PLD1: variants seen among roughly 807,000 people sequenced by gnomAD.
The protein encoded by PLD1 is phospholipase D1, also known as choline phosphatase 1.
A neutral mutation model predicts 137.1 loss-of-function variants in PLD1; 112 were observed. The ratio of observed to expected loss-of-function variants is 0.82; its 90% CI spans 0.70 to 0.96. The LOEUF (loss-of-function observed/expected upper bound fraction) is 0.96. PLD1 is among the 40% of genes least tolerant of loss of function. The pLI, the probability that PLD1 is intolerant of heterozygous loss-of-function variation, is 0.00. For missense variants in PLD1, 1,321 were observed against 1,342.0 expected, an observed-to-expected ratio of 0.98 and a Z score of 0.24; for synonymous variants, 431 against 454.7, an observed-to-expected ratio of 0.95 and a Z score of 0.66.
chr3:171,779,057 C>T (rs1450044739), intron 1 of PLD1, among the ~76,000 whole-genome samples: 2 of 152,060 alleles, frequency 1.3e-5, no homozygotes, highest in South Asian at 2.1e-4. Flanking sequence ...GGTATGGTGG[C>T]GGGCGCCTGT....
chr3:171,805,627 G>A (rs547943283), intron 1 of PLD1, among the ~76,000 whole-genome samples: 7 of 151,972 alleles, frequency 4.6e-5, no homozygotes, highest in Non-Finnish European at 7.4e-5. Flanking sequence ...CCTTAATTTC[G>A]TTTTCCGAAA....
At chr3:171,658,328 T>C (rs1013928198) in intron 21 of PLD1, among the ~76,000 whole-genome samples, 1 of 152,160 alleles carries the variant, frequency 6.6e-6, no homozygotes, top group Admixed American at 6.5e-5. Flanking sequence ...AATGAAAATA[T>C]ATATCTGCAC....
chr3:171,674,979 C>CAAAAAA (rs376402019), intron 18 of PLD1, among the ~76,000 whole-genome samples: 109 of 72,900 alleles, frequency 1.5e-3, no homozygotes, highest in East Asian at 2.9e-3. Context: ...ATCTCCATCT[C>CAAAAAA]AAAAAAAAAA....
chr3:171,808,067 C>A (rs1723927411), intron 1 of PLD1, among the ~76,000 whole-genome samples: 1 of 152,142 alleles, frequency 6.6e-6, no homozygotes, highest in Non-Finnish European at 1.5e-5. Flanking sequence ...ACACTGGGAA[C>A]TACTAGACGT....
At chr3:171,669,149 T>G (rs1712470242) in intron 19 of PLD1, among the ~76,000 whole-genome samples, 1 of 152,092 alleles carries the variant, frequency 6.6e-6, no homozygotes, top group African/African-American at 2.4e-5. Flanking sequence ...CTGCCGTAGC[T>G]CCCCTCTCCC....
At chr3:171,740,760 A>G (rs1448401588) in intron 1 of PLD1, among the ~76,000 whole-genome samples, 2 of 152,234 alleles carry the variant, frequency 1.3e-5, no homozygotes, top group African/African-American at 4.8e-5. Context: ...AAAACATCTT[A>G]TCATTTATCA....
chr3:171,638,169 A>G (rs1300222123), intron 23 of PLD1, among the ~76,000 whole-genome samples: 1 of 145,282 alleles, frequency 6.9e-6, no homozygotes, highest in Non-Finnish European at 1.5e-5. Context: ...TGGGCGACAG[A>G]GCGAGACTCC....
intron 12 of PLD1, among the ~76,000 whole-genome samples, chr3:171,696,816 A>G (rs1226431660): frequency 6.6e-6 from 1 of 152,248 alleles, no homozygotes; most frequent in Non-Finnish European, 1.5e-5. Context: ...CTTTAATTGT[A>G]TTACTATTTC....
At chr3:171,766,732 T>A (rs1235737377) in intron 1 of PLD1, among the ~76,000 whole-genome samples, 2 of 152,188 alleles carry the variant, frequency 1.3e-5, no homozygotes, top group Non-Finnish European at 2.9e-5. Context: ...TCTATTGACT[T>A]TTTCCTTTTG....
intron 11 of PLD1, among the ~76,000 whole-genome samples, chr3:171,704,646 G>GAACCAAAAAAGAAA (rs1294344520): frequency 1.3e-5 from 2 of 152,006 alleles, no homozygotes; most frequent in African/African-American, 2.4e-5. Context: ...AAGATATAAA[G>GAACCAAAAAAGAAA]AAGAACCAAA....
intron 20 of PLD1, among the ~76,000 whole-genome samples, chr3:171,659,536 T>C (rs140527574): frequency 7.1e-4 from 108 of 152,352 alleles, no homozygotes; most frequent in African/African-American, 2.4e-3. Flanking sequence ...AGTTACACTA[T>C]ATTATTTCAC....
At chr3:171,770,598 T>G (rs969702119) in intron 1 of PLD1, among the ~76,000 whole-genome samples, 1 of 151,956 alleles carries the variant, frequency 6.6e-6, no homozygotes, top group Admixed American at 6.6e-5. Context: ...AGAAAGGAAC[T>G]AGGCTAGGCA....
intron 15 of PLD1, 48 bp downstream of exon 15, chr3:171,687,323 A>G: frequency 6.8e-7 from 1 of 1,469,562 alleles, no homozygotes; most frequent in African/African-American, 1.4e-5. Flanking sequence ...CTGGCTATGG[A>G]AGAACAGTGG....
intron 1 of PLD1, among the ~76,000 whole-genome samples, chr3:171,774,938 T>C (rs1475227438): frequency 6.6e-6 from 1 of 151,962 alleles, no homozygotes; most frequent in African/African-American, 2.4e-5. Flanking sequence ...CTACAGTCCT[T>C]TGCCTAGACA....
chr3:171,776,598 T>C (rs572253827), intron 1 of PLD1, among the ~76,000 whole-genome samples: 3 of 152,352 alleles, frequency 2.0e-5, no homozygotes, highest in African/African-American at 7.2e-5. Flanking sequence ...GCCCACCAAC[T>C]GGCATTCATT....
intron 23 of PLD1, among the ~76,000 whole-genome samples, chr3:171,635,011 T>C (rs1734986027): frequency 6.6e-6 from 1 of 152,186 alleles, no homozygotes; most frequent in Non-Finnish European, 1.5e-5. Flanking sequence ...TTTATAAAAA[T>C]GAAACCAGAC....
At chr3:171,622,075 T>C (rs142492963) in intron 23 of PLD1, among the ~76,000 whole-genome samples, 211 of 152,356 alleles carry the variant, frequency 1.4e-3, no homozygotes, top group African/African-American at 4.9e-3. Flanking sequence ...TTAATTTCTC[T>C]GTATCATCTA....
chr3:171,622,526 T>C (rs1019851953), intron 23 of PLD1, among the ~76,000 whole-genome samples: 17 of 152,212 alleles, frequency 1.1e-4, no homozygotes, highest in Non-Finnish European at 1.9e-4. Context: ...AATAATATAA[T>C]TATTTTAACA....
intron 23 of PLD1, 46 bp from the exon 24 acceptor site, chr3:171,620,566 A>C (rs1404533645): frequency 3.4e-6 from 4 of 1,171,028 alleles, no homozygotes; most frequent in Non-Finnish European, 5.0e-6. Flanking sequence ...GACCAAGCTC[A>C]ATAAACGTAC....
Sources: gnomAD v4.1 joint callset for allele counts (sites outside exome capture counted in the v4.1 genomes callset) on GRCh38, gnomAD v4.1.1 for gene constraint, MANE v1.5 for transcripts, NCBI Gene and HGNC (gene_info 2026-07-23, HGNC 2026-07-21) for gene names.